Variants in CD163 observed in about 807,000 individuals in gnomAD.
The protein encoded by CD163 is scavenger receptor cysteine-rich type 1 protein M130.
In CD163, 64 loss-of-function variants were observed where a neutral mutation model predicts 129.2. The ratio of observed to expected loss-of-function variants is 0.50; its 90% CI spans 0.41 to 0.61. CD163 has a LOEUF of 0.61. Among genes scored for constraint, CD163 ranks in the 20% least tolerant of loss-of-function variants. The pLI is 0.00. For missense variants in CD163, 1,061 were observed against 1,377.9 expected (o/e 0.77, Z 3.64); for synonymous variants, 446 against 478.5 (o/e 0.93, Z 0.89).
At position 7,495,162 on chromosome 12, in the gene CD163, T is replaced by G; in HGVS notation, c.1339A>C (p.Thr447Pro). The stretch of plus-strand genomic sequence containing the variant: ...CAGTTCTTGCAGTCCCAAAGAGAAG[T>G]TTCATTTCCGTTACAGCTACTTAGA... ...LFLSSCNGNE[T>P]SLWDCKNWQW... Residue 447 changes from threonine to proline, a missense_variant, in exon 6 of 17, where the codon ACT becomes CCT. Physicochemically the swap from Thr to Pro is conservative, Grantham distance 38. Coordinates refer to ENST00000432237, the MANE Select transcript of CD163 (RefSeq NM_203416.4). 1.2e-6 allele frequency: 2 copies of G among 1,614,122 alleles called. No homozygotes were observed. Among genetic ancestry groups the G allele is most frequent in the East Asian group, 4.5e-5 (2 of 44,886 alleles).
intron 1 of CD163, among the ~76,000 whole-genome samples, chr12:7,502,957 G>A (rs1190021630): frequency 6.6e-6 from 1 of 152,098 alleles, no homozygotes; most frequent in Non-Finnish European, 1.5e-5. Context: ...AATTATGGAT[G>A]CCCCCATCTT....
At chr12:7,497,655 A>C (rs1293107821) in intron 4 of CD163, among the ~76,000 whole-genome samples, 1 of 152,148 alleles carries the variant, frequency 6.6e-6, no homozygotes, top group African/African-American at 2.4e-5. Flanking sequence ...ACCTTCCCCA[A>C]ATCAATATTC....
chr12:7,482,779 A>G lies in CD163; in HGVS notation c.3128-17T>C, dbSNP rs367601963. The G allele has an allele frequency of 1.0e-4, 165 of 1,613,754 alleles. No individual in the cohort carries two copies. The highest frequency in any genetic ancestry group is 4.3e-4 in the African/African-American group (32 of 75,030). On this transcript the variant is annotated splice_polypyrimidine_tract_variant and intron_variant, in intron 13 of 16. Coordinates refer to ENST00000432237, the MANE Select transcript of CD163 (RefSeq NM_203416.4). Reference sequence around the variant, plus strand: ...ATGAGCGACCTAAGTAAAAGTAAATATCAAGAGATATGATCATGTCTTATC... The same window carrying G: ...ATGAGCGACCTAAGTAAAAGTAAATGTCAAGAGATATGATCATGTCTTATC...
intron 6 of CD163, among the ~76,000 whole-genome samples, chr12:7,489,642 AAAT>A (rs1258814837): frequency 2.0e-5 from 3 of 152,076 alleles, no homozygotes; most frequent in Admixed American, 6.5e-5. Flanking sequence ...ATAATACTAA[AAAT>A]AATAATCATA....
intron 10 of CD163, 35 bp downstream of exon 10, chr12:7,486,464 T>G (rs375593859): frequency 6.3e-7 from 1 of 1,576,052 alleles, no homozygotes; most frequent in Non-Finnish European, 8.7e-7. Flanking sequence ...CCTTTCTCTA[T>G]GTAATTATGA....
rs184932882 is a variant in CD163, at chr12:7,503,709, C to A, written c.-19G>T. 9.2e-5 allele frequency: 140 copies of A among 1,514,140 alleles called. 1 individual carries two copies. In the African/African-American group the frequency reaches 1.9e-3, roughly 21 times the overall value. 93.8% of individuals were successfully genotyped at this position (1,514,140 alleles called of 1,614,324 possible). ...TGCTCATTCCAAAGATTTATAACTTCAATGATTCCTAAATCTTCTTGTATT... is the reference window on the plus strand; with the variant it reads ...TGCTCATTCCAAAGATTTATAACTTAAATGATTCCTAAATCTTCTTGTATT... On this transcript the variant is annotated 5_prime_UTR_variant, in exon 1 of 17. Transcript: ENST00000432237.
In CD163 at chr12:7,501,335, C is replaced by A; in HGVS notation, c.261G>T (p.Val87=). Residue 87 remains valine (V), a synonymous_variant, in exon 3 of 17, where the codon GTG becomes GTT. Transcript: ENST00000432237. ...TTGGACATCCCAGCTGGTTACAAAT[C>A]ACAGAGACCGCTTCCATGCTCCAGC... is the stretch of plus-strand genomic sequence containing the variant. ...NNGWSMEAVS[V]ICNQLGCPTA... The A allele has an allele frequency of 6.2e-7, 1 of 1,614,138 alleles. No homozygotes were observed. Among genetic ancestry groups the A allele is most frequent in the Non-Finnish European group, 8.5e-7 (1 of 1,180,018 alleles).
chr12:7,485,088 A>T lies in CD163; in HGVS notation c.2779+8T>A. On this transcript the variant is annotated splice_region_variant and intron_variant, in intron 11 of 16. Transcript: ENST00000432237. This position sits in a 1 kb window ranked among gnomAD's most constrained non-coding sequence, Gnocchi z 4.5. The stretch of plus-strand genomic sequence containing the variant: ...ATGGAATTTTCATATAGGTCGATGG[A>T]TACTCACTGTCACATGTGATCCAGG... 1 of 1,585,828 alleles carries T rather than the reference A, an allele frequency of 6.3e-7. No individual in the cohort carries two copies. The highest frequency in any genetic ancestry group is 8.6e-7 in the Non-Finnish European group (1 of 1,164,208).
chr12:7,479,804 T>G (rs1490242075), intron 16 of CD163, 56 bp downstream of exon 16: 10 of 1,568,798 alleles, frequency 6.4e-6, no homozygotes, highest in Non-Finnish European at 8.6e-6. Flanking sequence ...GAGCTCTCAG[T>G]CCTCAAAAGG....
Position 7,486,551 on chromosome 12 carries a change from G to A in CD163, c.2406C>T (p.Gly802=). ...ESRIWQCHSH[G]WGQQNCRHKE... ...TGTGCCTGCAATTTTGCTGCCCCCA[G>A]CCGTGTGAATGGCACTGCCAAATGC... The change falls in exon 10 of 17, where the codon GGC becomes GGT. Residue 802 remains glycine (G), a synonymous_variant. Transcript: ENST00000432237. 1.9e-6 allele frequency: 3 copies of A among 1,614,210 alleles called. No homozygotes were observed. The highest frequency in any genetic ancestry group is 2.5e-6 in the Non-Finnish European group (3 of 1,180,036).
In CD163 at chr12:7,487,548, A is replaced by G. The variant is rs758070734; in HGVS notation, c.1861T>C (p.Cys621Arg). 1 of 1,614,134 alleles carries G rather than the reference A, an allele frequency of 6.2e-7. No individual in the cohort carries two copies. Among genetic ancestry groups the G allele is most frequent in the Non-Finnish European group, 8.5e-7 (1 of 1,180,018 alleles). Residue 621 changes from cysteine to arginine, a missense_variant, in exon 8 of 17, where the codon TGC (cysteine) becomes CGC (arginine). By Grantham distance (180) the Cys-to-Arg change is radical. Transcript: ENST00000432237. The surrounding 1 kb of genome is among the most constrained non-coding windows in gnomAD (Gnocchi z 5.1). ...GCAACTCCACATTTAAGCTGCTGGC[A>G]AAGAACATGGGCATCTTCTATGTCC... Reference protein sequence around the residue: ...HWDIEDAHVLCQQLKCGVALS... With the variant: ...HWDIEDAHVLRQQLKCGVALS...
chr12:7,495,492 A>G, intron 5 of CD163, 91 bp from the exon 6 acceptor site: 3 of 1,058,564 alleles, frequency 2.8e-6, no homozygotes, highest in Non-Finnish European at 4.1e-6. Context: ...TCTGATACTG[A>G]TGCATTGAAA....
intron 2 of CD163, among the ~76,000 whole-genome samples, chr12:7,501,975 T>C (rs780263036): frequency 2.6e-5 from 4 of 152,316 alleles, no homozygotes; most frequent in African/African-American, 9.6e-5. Flanking sequence ...AAGATGGAGA[T>C]ATTTTCTGCT....
chr12:7,490,703 T>C (rs145702079), intron 6 of CD163, among the ~76,000 whole-genome samples: 248 of 152,120 alleles, frequency 1.6e-3, no homozygotes, highest in African/African-American at 5.7e-3. Flanking sequence ...TACAAAAATG[T>C]CTTAGAAAAT....
rs112751900 is a variant in CD163 at position 7,486,561 on chromosome 12, T to C, written c.2396A>G (p.His799Arg). 4 of 1,614,254 alleles carry C rather than the reference T, an allele frequency of 2.5e-6. No homozygotes were observed. The highest frequency in any genetic ancestry group is 3.4e-6 in the Non-Finnish European group (4 of 1,180,036). ...NGKESRIWQC[H>R]SHGWGQQNCR... is the part of the protein sequence containing the mutation. Reference sequence around the variant, plus strand: ...ATTTTGCTGCCCCCAGCCGTGTGAATGGCACTGCCAAATGCGGGATTCTTT... The same window carrying C: ...ATTTTGCTGCCCCCAGCCGTGTGAACGGCACTGCCAAATGCGGGATTCTTT... The change falls in exon 10 of 17, where the codon CAT becomes CGT. Residue 799 changes from histidine (H) to arginine (R), a missense_variant. Transcript: ENST00000432237.
chr12:7,479,108 A>G (rs1034912594), intron 16 of CD163, among the ~76,000 whole-genome samples: 6 of 152,172 alleles, frequency 3.9e-5, no homozygotes, highest in African/African-American at 1.4e-4. Context: ...AACATAAAGT[A>G]TAGCAGGTAA....
rs1386787762 is a variant in CD163 at position 7,485,302 on chromosome 12, G to T, written c.2573C>A (p.Thr858Asn). 5.0e-6 allele frequency: 8 copies of T among 1,614,148 alleles called. No individual in the cohort carries two copies. Among genetic ancestry groups the T allele is most frequent in the Non-Finnish European group, 6.8e-6 (8 of 1,180,014 alleles). Residue 858 changes from threonine (T) to asparagine (N), a missense_variant, in exon 11 of 17, where the codon ACC (threonine) becomes AAC (asparagine). Thr to Asn is a moderately conservative substitution (Grantham distance 65). Transcript: ENST00000432237. The surrounding 1 kb of genome is among the most constrained non-coding windows in gnomAD (Gnocchi z 4.5). Reference protein sequence around the residue: ...GTVGKSSMSETTVGVVCRQLG... With the variant: ...GTVGKSSMSENTVGVVCRQLG... Reference sequence around the variant, plus strand: ...CTGCCTGCACACCACACCCACAGTGGTTTCAGACATGCTACTCTTGCCAAC... The same window carrying T: ...CTGCCTGCACACCACACCCACAGTGTTTTCAGACATGCTACTCTTGCCAAC...
At chr12:7,498,814 C>A in intron 4 of CD163, 54 bp downstream of exon 4, 1 of 1,478,120 alleles carries the variant, frequency 6.8e-7, no homozygotes, top group Middle Eastern at 1.8e-4. Context: ...AGATTTATTA[C>A]CCCTTTCTTT....
intron 12 of CD163, 133 bp downstream of exon 12, chr12:7,483,234 G>A: frequency 1.1e-6 from 1 of 877,586 alleles, no homozygotes; most frequent in Non-Finnish European, 1.7e-6. Flanking sequence ...TTTCAGTAGA[G>A]ACATTATGAT....
Sources: allele counts gnomAD v4.1 joint callset (sites outside exome capture counted in the v4.1 genomes callset), GRCh38; gene constraint gnomAD v4.1.1; non-coding constraint Gnocchi (gnomAD v3.1); transcripts MANE v1.5; gene names NCBI Gene and HGNC (gene_info 2026-07-23, HGNC 2026-07-21).